Variants in SEC63 observed in about 807,000 individuals in gnomAD.
SEC63 encodes SEC63 protein translocation regulator.
In SEC63, 56 loss-of-function variants were observed where a neutral mutation model predicts 116.2. The observed-to-expected ratio is 0.48, with a 90% CI of 0.39 to 0.60. The LOEUF is 0.60. Among genes scored for constraint, SEC63 ranks in the 20% least tolerant of loss-of-function variants. The pLI is 0.00. For missense variants in SEC63, 668 were observed against 900.0 expected (o/e 0.74, Z 3.30); for synonymous variants, 273 against 294.6 (o/e 0.93, Z 0.75).
chr6:107,875,976 A>C (rs987329310), intron 19 of SEC63, among the ~76,000 whole-genome samples: 13 of 152,174 alleles, frequency 8.5e-5, no homozygotes, highest in African/African-American at 3.1e-4. Flanking sequence ...TATGTACTAA[A>C]AATCAACATC....
At chr6:107,954,755 A>G (rs1418130253) in intron 1 of SEC63, 1 of 152,230 alleles carries the variant, frequency 6.6e-6, no homozygotes, top group Non-Finnish European at 1.5e-5. Context: ...TATTCAAGAT[A>G]CTGCAACTGG....
At chr6:107,878,375 C>T (rs1786329744) in intron 18 of SEC63, among the ~76,000 whole-genome samples, 1 of 152,210 alleles carries the variant, frequency 6.6e-6, no homozygotes, top group Non-Finnish European at 1.5e-5. Context: ...TTATTAGTGA[C>T]ATGAGGTACA....
intron 16 of SEC63, among the ~76,000 whole-genome samples, chr6:107,884,675 A>G (rs552095071): frequency 1.3e-5 from 2 of 152,318 alleles, no homozygotes; most frequent in East Asian, 3.9e-4. Flanking sequence ...AAAAGGGAAT[A>G]CTTCCTAGCT....
At chr6:107,888,695 T>A (rs1169004221) in intron 16 of SEC63, among the ~76,000 whole-genome samples, 8 of 152,124 alleles carry the variant, frequency 5.3e-5, no homozygotes, top group African/African-American at 1.7e-4. Flanking sequence ...AGGCTTCCAG[T>A]TTTTGCCCAT....
chr6:107,902,622 C>T (rs1787032534), intron 12 of SEC63, among the ~76,000 whole-genome samples: 1 of 151,878 alleles, frequency 6.6e-6, no homozygotes, highest in Non-Finnish European at 1.5e-5. Flanking sequence ...ATGCAACAAC[C>T]CCCAAAATAA....
chr6:107,943,783 C>T (rs777780011), intron 1 of SEC63, among the ~76,000 whole-genome samples: 3 of 151,966 alleles, frequency 2.0e-5, no homozygotes, highest in Admixed American at 6.6e-5. Context: ...CAGTGAAGCA[C>T]GTATGGCTGG....
intron 16 of SEC63, among the ~76,000 whole-genome samples, chr6:107,890,453 T>G (rs1786653864): frequency 6.6e-6 from 1 of 152,232 alleles, no homozygotes; most frequent in Admixed American, 6.5e-5. Flanking sequence ...ATTTTAAACC[T>G]ATGTGTGTCT....
At chr6:107,925,062 A>G (rs1357283574) in intron 2 of SEC63, 130 bp from the exon 3 acceptor site, 2 of 695,796 alleles carry the variant, frequency 2.9e-6, no homozygotes, top group Admixed American at 2.0e-5. Context: ...AAATTCTACA[A>G]TCACTGGGTT....
Position 107,869,497 on chromosome 6 carries a change from T to C in SEC63, c.*2207A>G, listed in dbSNP as rs948272766. On this transcript the variant is annotated 3_prime_UTR_variant, in exon 21 of 21. Coordinates refer to ENST00000369002, the MANE Select transcript of SEC63 (RefSeq NM_007214.5). ...TGTCAGTTTCTTTATAGGAAGAAAA[T>C]TGAAACTTTGCTCAAGTTTCCATTA... 2 of 152,200 alleles carry C rather than the reference T, an allele frequency of 1.3e-5. No individual in the cohort carries two copies. Among genetic ancestry groups the C allele is most frequent in the African/African-American group, 4.8e-5 (2 of 41,448 alleles). The allele number at this position is 152,200 out of a possible 1,614,324, so 9.4% of individuals were successfully genotyped here.
rs1417046027 is a variant in SEC63, at chr6:107,869,094, C to G, written c.*2610G>C. 6.6e-6 allele frequency: 1 copy of G among 152,150 alleles called. No individual in the cohort carries two copies. The highest frequency in any genetic ancestry group is 1.5e-5 in the Non-Finnish European group (1 of 68,072). 9.4% of individuals were successfully genotyped at this position (152,150 alleles called of 1,614,324 possible). A position where few individuals can be genotyped will look rare whatever the true frequency, so the allele number is the denominator to read the frequency against. ...CTTCCCCATACACAGTGGGACAGTACAGCTGGACAGGCCTGTCCTTTTCCA... is the reference window on the plus strand; with the variant it reads ...CTTCCCCATACACAGTGGGACAGTAGAGCTGGACAGGCCTGTCCTTTTCCA... On this transcript the variant is annotated 3_prime_UTR_variant, in exon 21 of 21. Coordinates refer to ENST00000369002, the MANE Select transcript of SEC63 (RefSeq NM_007214.5).
chr6:107,883,120 T>G lies in SEC63; in HGVS notation c.1701A>C (p.Glu567Asp). 1.2e-6 allele frequency: 2 copies of G among 1,612,612 alleles called. No individual in the cohort carries two copies. The highest frequency in any genetic ancestry group is 1.7e-6 in the Non-Finnish European group (2 of 1,179,506). ...GNEAAVKEDE[E>D]EVSDKGSDSE... ...AATCACTGCCCTTATCTGAAACTTC[T>G]TCTTCATCTTCCTTTACTGCAGCTT... The change falls in exon 17 of 21, where the codon GAA (glutamate) becomes GAC (aspartate). Residue 567 changes from glutamate to aspartate, a missense_variant. This residue lies in a region of SEC63 where 430 missense variants were observed against 557.5 expected (regional missense o/e 0.77). Coordinates refer to ENST00000369002, the MANE Select transcript of SEC63 (RefSeq NM_007214.5).
intron 18 of SEC63, 61 bp from the exon 19 acceptor site, chr6:107,876,723 A>C: frequency 8.4e-7 from 1 of 1,195,824 alleles, no homozygotes; most frequent in South Asian, 1.3e-5. Context: ...AAGAACTAGA[A>C]AGAATATAAT....
chr6:107,904,957 G>A (rs1157696300), intron 10 of SEC63, among the ~76,000 whole-genome samples: 1 of 152,048 alleles, frequency 6.6e-6, no homozygotes, highest in African/African-American at 2.4e-5. Flanking sequence ...ATAATGTTAG[G>A]CTTAATAAAC....
chr6:107,928,920 T>C (rs540776787), intron 2 of SEC63, among the ~76,000 whole-genome samples: 19 of 152,364 alleles, frequency 1.2e-4, no homozygotes, highest in Non-Finnish European at 7.3e-5. Flanking sequence ...GGTCAAGTTA[T>C]GTCATCATTC....
At chr6:107,955,300 T>C (rs1770689381) in intron 1 of SEC63, among the ~76,000 whole-genome samples, 1 of 152,146 alleles carries the variant, frequency 6.6e-6, no homozygotes, top group Non-Finnish European at 1.5e-5. Context: ...GTAGCTGGAA[T>C]TACAGGCGTC....
At chr6:107,942,519 G>A (rs1770399059) in intron 1 of SEC63, among the ~76,000 whole-genome samples, 1 of 151,984 alleles carries the variant, frequency 6.6e-6, no homozygotes, top group Non-Finnish European at 1.5e-5. Flanking sequence ...GGACACTGAG[G>A]ATATAGAAAA....
chr6:107,883,451 C>A, intron 16 of SEC63: 1 of 263,124 alleles, frequency 3.8e-6, no homozygotes, highest in Non-Finnish European at 7.2e-6. Context: ...GTTCTGCTTT[C>A]AAAAACATCA....
intron 2 of SEC63, among the ~76,000 whole-genome samples, chr6:107,928,383 G>T (rs1197525568): frequency 3.3e-5 from 5 of 151,852 alleles, no homozygotes; most frequent in African/African-American, 7.3e-5. Flanking sequence ...CACCTACTCA[G>T]GAGGCTGAGG....
intron 13 of SEC63, among the ~76,000 whole-genome samples, chr6:107,900,885 T>C (rs1037314803): frequency 1.3e-5 from 2 of 152,132 alleles, no homozygotes; most frequent in East Asian, 1.9e-4. Flanking sequence ...AGCCTTTATT[T>C]TTTTCCCTCA....
Sources: gnomAD v4.1 joint callset for allele counts (sites outside exome capture counted in the v4.1 genomes callset) on GRCh38, gnomAD v4.1.1 for gene constraint, gnomAD v4.1.1 regional missense constraint, MANE v1.5 for transcripts, NCBI Gene and HGNC (gene_info 2026-07-23, HGNC 2026-07-21) for gene names.